The following GKAP1 variants were observed in gnomAD, a reference collection of about 807,000 sequenced individuals.
The protein encoded by GKAP1 is G kinase anchoring protein 1.
A neutral mutation model predicts 56.7 loss-of-function variants in GKAP1; 31 were observed. The observed-to-expected ratio is 0.55, with a 90% CI of 0.41 to 0.74. The LOEUF (loss-of-function observed/expected upper bound fraction) is 0.74. Ranked by LOEUF, GKAP1 falls within the 30% of genes least tolerant of loss-of-function variation. GKAP1 has a pLI of 0.00. For missense variants in GKAP1, 364 were observed against 402.3 expected (o/e 0.90, Z 0.82); for synonymous variants, 151 against 138.6 (o/e 1.09, Z -0.63).
At chr9:83,804,022 G>A (rs1217973119) in intron 3 of GKAP1, among the ~76,000 whole-genome samples, 5 of 145,400 alleles carry the variant, frequency 3.4e-5, no homozygotes, top group African/African-American at 5.2e-5. Flanking sequence ...CCCAGCATCC[G>A]CCCCGTCTGA....
Position 83,739,617 on chromosome 9 carries a change from G to T in GKAP1, c.*80C>A. On this transcript the variant is annotated 3_prime_UTR_variant, in exon 13 of 13. Transcript: ENST00000376371. ...TCAAGAAAAACTGCATAGTTTAGCA[G>T]TTGCACAGCATTAAATATATACAAC... is the stretch of plus-strand genomic sequence containing the variant. 1 of 1,092,258 alleles carries T rather than the reference G, an allele frequency of 9.2e-7. No homozygotes were observed. The highest frequency in any genetic ancestry group is 1.3e-6 in the Non-Finnish European group (1 of 749,748). 67.7% of individuals were successfully genotyped at this position (1,092,258 alleles called of 1,614,324 possible).
chr9:83,788,719 A>C (rs1241929383), intron 4 of GKAP1, 41 bp from the exon 5 acceptor site: 3 of 1,230,714 alleles, frequency 2.4e-6, no homozygotes, highest in Non-Finnish European at 2.4e-6. Context: ...CAGTATCATT[A>C]CATCACATGA....
intron 7 of GKAP1, among the ~76,000 whole-genome samples, chr9:83,779,496 TATAC>T (rs1943924137): frequency 1.8e-5 from 2 of 112,768 alleles, no homozygotes; most frequent in Admixed American, 9.4e-5. Flanking sequence ...TATATACACA[TATAC>T]ACATATATGT....
At chr9:83,748,576 C>T (rs989616410) in intron 9 of GKAP1, 16 of 301,940 alleles carry the variant, frequency 5.3e-5, no homozygotes, top group Non-Finnish European at 7.3e-5. Context: ...CAATATTATA[C>T]GTGATTGAAA....
intron 2 of GKAP1, among the ~76,000 whole-genome samples, chr9:83,815,191 T>A (rs1170835406): frequency 1.3e-5 from 2 of 151,860 alleles, no homozygotes. Context: ...AAAACTAAAG[T>A]GTTAATTTAA....
rs1177435228 is a variant in GKAP1 at position 83,806,460 on chromosome 9, G to T, written c.58C>A (p.Gln20Lys). 1 of 1,613,974 alleles carries T rather than the reference G, an allele frequency of 6.2e-7. No individual in the cohort carries two copies. The highest frequency in any genetic ancestry group is 2.2e-5 in the East Asian group (1 of 44,874). ...PTTASRFALL[Q>K]VDSGSGSDSE... Reference sequence around the variant, plus strand: ...TCAGAGCCACTGCCACTATCCACTTGTAACAGGGCAAAACGAGAAGCGGTG... The same window carrying T: ...TCAGAGCCACTGCCACTATCCACTTTTAACAGGGCAAAACGAGAAGCGGTG... The change falls in exon 3 of 13, where the codon CAA (glutamine) becomes AAA (lysine). Residue 20 changes from glutamine (Q) to lysine (K), a missense_variant. Transcript: ENST00000376371.
intron 2 of GKAP1, among the ~76,000 whole-genome samples, chr9:83,810,969 C>T (rs1357302908): frequency 1.3e-5 from 2 of 152,162 alleles, no homozygotes; most frequent in South Asian, 2.1e-4. Flanking sequence ...TGTGACTGTA[C>T]TGGAGGCAAC....
At chr9:83,784,299 C>T (rs1036613445) in intron 6 of GKAP1, among the ~76,000 whole-genome samples, 4 of 149,668 alleles carry the variant, frequency 2.7e-5, no homozygotes, top group Admixed American at 6.6e-5. Context: ...AATTTAATTG[C>T]CATTGTAACA....
intron 5 of GKAP1, among the ~76,000 whole-genome samples, chr9:83,785,064 A>G (rs925570876): frequency 6.6e-6 from 1 of 152,288 alleles, no homozygotes; most frequent in African/African-American, 2.4e-5. Flanking sequence ...ACCTTGGCCT[A>G]TAACCCCCTC....
intron 4 of GKAP1, 73 bp from the exon 5 acceptor site, chr9:83,788,751 C>T (rs1439416227): frequency 1.2e-6 from 1 of 834,388 alleles, no homozygotes; most frequent in Non-Finnish European, 1.9e-6. Context: ...ATACATATTA[C>T]TATATACAGA....
chr9:83,790,602 G>T (rs1206412224), intron 4 of GKAP1, among the ~76,000 whole-genome samples: 1 of 151,682 alleles, frequency 6.6e-6, no homozygotes, highest in African/African-American at 2.4e-5. Flanking sequence ...GGCCAACATG[G>T]TGAAATACTA....
chr9:83,809,090 T>C (rs1199726595), intron 2 of GKAP1, among the ~76,000 whole-genome samples: 6 of 152,300 alleles, frequency 3.9e-5, no homozygotes, highest in South Asian at 2.1e-4. Flanking sequence ...ACTTACACCT[T>C]ACACAAAAAA....
chr9:83,776,572 G>A (rs1333635620), intron 7 of GKAP1, among the ~76,000 whole-genome samples: 1 of 152,074 alleles, frequency 6.6e-6, no homozygotes, highest in Non-Finnish European at 1.5e-5. Context: ...GTGCACATCT[G>A]TAGACCCCAG....
At chr9:83,817,173 A>G (rs1456103315) in intron 1 of GKAP1, 46 bp from the exon 2 acceptor site, 1 of 152,078 alleles carries the variant, frequency 6.6e-6, no homozygotes, top group Admixed American at 6.5e-5. Flanking sequence ...GAAATTTCCG[A>G]GCGCCCGGCT....
intron 3 of GKAP1, among the ~76,000 whole-genome samples, chr9:83,801,552 G>GT (rs1168326338): frequency 6.6e-6 from 1 of 152,152 alleles, no homozygotes; most frequent in African/African-American, 2.4e-5. Flanking sequence ...AAACACCACT[G>GT]TAAGTAGCTG....
At chr9:83,800,340 T>TC (rs1168982563) in intron 3 of GKAP1, among the ~76,000 whole-genome samples, 3 of 150,074 alleles carry the variant, frequency 2.0e-5, no homozygotes, top group Non-Finnish European at 3.0e-5. Context: ...CGTTTTTTTT[T>TC]TGTTTTTTTT....
chr9:83,767,360 C>T (rs1943681019), intron 8 of GKAP1, among the ~76,000 whole-genome samples: 2 of 151,572 alleles, frequency 1.3e-5, no homozygotes, highest in African/African-American at 4.9e-5. Context: ...GTCTCTGTCA[C>T]ATATTTTTTT....
intron 3 of GKAP1, among the ~76,000 whole-genome samples, chr9:83,802,872 C>T (rs1484932523): frequency 6.6e-6 from 1 of 152,014 alleles, no homozygotes; most frequent in Non-Finnish European, 1.5e-5. Flanking sequence ...TGGCTCACAC[C>T]TATAATCCCA....
rs1430671700 is a variant in GKAP1, at chr9:83,779,503, ATATATGTGTATATATATACACGTG to A, written c.585+855_585+878del. ...TACATACATATATACACATATACAC[ATATATGTGTATATATATACACGTG>A]TATATGTGTATATATATACACGTGT... On this transcript the variant is annotated intron_variant, in intron 7 of 12. Coordinates refer to ENST00000376371, the MANE Select transcript of GKAP1 (RefSeq NM_025211.4). 7.6e-3 allele frequency among the ~76,000 whole-genome samples: 1,048 copies of A among 137,138 alleles called. 23 individuals carry two copies. Among genetic ancestry groups the A allele is most frequent in the African/African-American group, 0.026 (965 of 37,398 alleles). 90.0% of individuals were successfully genotyped at this position (137,138 alleles called of 152,430 possible). A position where few individuals can be genotyped will look rare whatever the true frequency, so the allele number is the denominator to read the frequency against.
Sources: allele counts gnomAD v4.1 joint callset (sites outside exome capture counted in the v4.1 genomes callset), GRCh38; gene constraint gnomAD v4.1.1; transcripts MANE v1.5; gene names NCBI Gene and HGNC (gene_info 2026-07-23, HGNC 2026-07-21).